PLPP1: variants seen among roughly 807,000 people sequenced by gnomAD.
PLPP1 encodes phospholipid phosphatase 1, also known as lipid phosphate phosphohydrolase 1a.
In PLPP1, 24 loss-of-function variants were observed where a neutral mutation model predicts 31.2. That is an observed-to-expected ratio of 0.77 (90% confidence interval 0.56 to 1.08). PLPP1 has a LOEUF of 1.08. Ranked by LOEUF, PLPP1 falls within the 50% of genes least tolerant of loss-of-function variation. The probability of loss-of-function intolerance (pLI) is 0.00; values close to 1 mark genes in which losing one functional copy is unlikely to be tolerated. For missense variants in PLPP1, 319 were observed against 342.7 expected (o/e 0.93, Z 0.55); for synonymous variants, 146 against 126.3 (o/e 1.16, Z -1.05).
At position 55,523,145 on chromosome 5, in the gene PLPP1, A is replaced by G. The variant is rs371282218; in HGVS notation, c.58+11427T>C. Among the ~76,000 whole-genome samples the G allele has an allele frequency of 2.6e-5, 4 of 152,124 alleles. No individual in the cohort carries two copies. The South Asian group carries it at 6.2e-4, about 24-fold the overall frequency. Reference sequence around the variant, plus strand: ...TACATACATATGGGGCACATGGGATATCTTGATAGAGGTATATAATTTATA... The same window carrying G: ...TACATACATATGGGGCACATGGGATGTCTTGATAGAGGTATATAATTTATA... On this transcript the variant is annotated intron_variant, in intron 1 of 5. Coordinates refer to ENST00000307259, the MANE Select transcript of PLPP1 (RefSeq NM_003711.4).
intron 1 of PLPP1, among the ~76,000 whole-genome samples, chr5:55,507,126 A>G (rs1373240074): frequency 1.3e-5 from 2 of 152,246 alleles, no homozygotes; most frequent in Admixed American, 1.3e-4. Context: ...TTAGATGTCC[A>G]AGAGTAAAGA....
At chr5:55,484,331 T>C (rs2115324) in intron 1 of PLPP1, 128,212 of 151,934 alleles carry the variant, frequency 0.84, 54,500 homozygotes, top group South Asian at 0.92. Flanking sequence ...TTGTTGTAGT[T>C]AGAGTTGAGC....
intron 1 of PLPP1, among the ~76,000 whole-genome samples, chr5:55,527,220 A>ACCGT (rs909623874): frequency 1.3e-5 from 2 of 152,160 alleles, no homozygotes; most frequent in Admixed American, 6.5e-5. Flanking sequence ...TAACAAAGGG[A>ACCGT]CCGCTCCTTA....
chr5:55,425,406 C>CA (rs1751155021), intron 5 of PLPP1, 72 bp from the exon 6 acceptor site: 1 of 1,348,834 alleles, frequency 7.4e-7, no homozygotes, highest in African/African-American at 1.5e-5. Context: ...TGATCAACAG[C>CA]ATCCTAAGAT....
chr5:55,468,222 A>G (rs1003667783), intron 2 of PLPP1, 73 bp from the exon 3 acceptor site: 11 of 1,337,712 alleles, frequency 8.2e-6, no homozygotes, highest in Admixed American at 2.4e-5. Flanking sequence ...ACATAGGGGG[A>G]AAAAAGGAAA....
intron 4 of PLPP1, among the ~76,000 whole-genome samples, chr5:55,431,458 G>A (rs1751345483): frequency 6.6e-6 from 1 of 152,130 alleles, no homozygotes; most frequent in South Asian, 2.1e-4. Flanking sequence ...AATAAAACTG[G>A]AAATGAATAA....
chr5:55,454,987 C>T (rs1751973600), intron 3 of PLPP1, among the ~76,000 whole-genome samples: 1 of 152,214 alleles, frequency 6.6e-6, no homozygotes, highest in Admixed American at 6.5e-5. Context: ...TGATAGAAGG[C>T]ATTTCCTCAA....
rs1252691712 is a variant in PLPP1, at chr5:55,534,707, C to G, written c.-78G>C. ...GGCCGAGGCCCTTGATTCTCGAGCC[C>G]GGGCCGGGGCTGGCGACGGCCCCGA... On this transcript the variant is annotated 5_prime_UTR_variant, in exon 1 of 6. Transcript: ENST00000307259. 3.4e-5 allele frequency: 48 copies of G among 1,429,482 alleles called. No homozygotes were observed. Among genetic ancestry groups the G allele is most frequent in the Non-Finnish European group, 4.3e-5 (46 of 1,066,034 alleles). 88.5% of individuals were successfully genotyped at this position (1,429,482 alleles called of 1,614,324 possible). A position where few individuals can be genotyped will look rare whatever the true frequency, so the allele number is the denominator to read the frequency against.
chr5:55,432,064 G>A (rs1308030892), intron 4 of PLPP1, among the ~76,000 whole-genome samples: 3 of 151,672 alleles, frequency 2.0e-5, no homozygotes, highest in Non-Finnish European at 4.4e-5. Flanking sequence ...TGGGACTACA[G>A]AGCATGCCAG....
chr5:55,430,712 A>G (rs1255090006), intron 4 of PLPP1, among the ~76,000 whole-genome samples: 1 of 152,258 alleles, frequency 6.6e-6, no homozygotes, highest in Non-Finnish European at 1.5e-5. Context: ...AAAGGAACAC[A>G]GTAATTTTGT....
chr5:55,504,456 T>C lies in PLPP1; in HGVS notation c.59-29006A>G, dbSNP rs188027195. Among the ~76,000 whole-genome samples the C allele has an allele frequency of 4.1e-3, 540 of 131,344 alleles. 3 individuals carry two copies. The highest frequency in any genetic ancestry group is 0.015 in the African/African-American group (512 of 33,746). 86.2% of individuals were successfully genotyped at this position (131,344 alleles called of 152,430 possible). On this transcript the variant is annotated intron_variant, in intron 1 of 5. Coordinates refer to ENST00000307259, the MANE Select transcript of PLPP1 (RefSeq NM_003711.4). Reference sequence around the variant, plus strand: ...AGGAGAAGCGCTTGAACCCAGGAGATGGAGGTTGCAGTGAGCCGAGATTGT... The same window carrying C: ...AGGAGAAGCGCTTGAACCCAGGAGACGGAGGTTGCAGTGAGCCGAGATTGT...
chr5:55,429,570 T>C (rs2111663983), intron 4 of PLPP1, among the ~76,000 whole-genome samples: 1 of 152,208 alleles, frequency 6.6e-6, no homozygotes, highest in East Asian at 1.9e-4. Context: ...ACTTGGGGAC[T>C]GCATGATGGC....
At chr5:55,450,051 T>C (rs1361950848) in intron 3 of PLPP1, among the ~76,000 whole-genome samples, 1 of 152,170 alleles carries the variant, frequency 6.6e-6, no homozygotes, top group East Asian at 1.9e-4. Context: ...CAAAAAATCC[T>C]GTCATATACT....
At chr5:55,483,248 GTAATA>G (rs1480162179) in intron 1 of PLPP1, among the ~76,000 whole-genome samples, 1 of 152,090 alleles carries the variant, frequency 6.6e-6, no homozygotes, top group African/African-American at 2.4e-5. Context: ...TATTACACTA[GTAATA>G]TTTATAGTGA....
chr5:55,437,650 T>C (rs769277202), intron 4 of PLPP1, among the ~76,000 whole-genome samples: 5 of 152,204 alleles, frequency 3.3e-5, no homozygotes, highest in Non-Finnish European at 7.3e-5. Flanking sequence ...CCAAATTGAT[T>C]GCTCCACCTA....
At chr5:55,523,079 TA>T (rs752228900) in intron 1 of PLPP1, among the ~76,000 whole-genome samples, 19 of 150,408 alleles carry the variant, frequency 1.3e-4, no homozygotes, top group East Asian at 5.8e-4. Flanking sequence ...ACCCTCTCCA[TA>T]TTTTTTTTAC....
At chr5:55,430,643 G>C (rs1751326483) in intron 4 of PLPP1, among the ~76,000 whole-genome samples, 1 of 152,168 alleles carries the variant, frequency 6.6e-6, no homozygotes, top group Admixed American at 6.5e-5. Context: ...TGTTAAACCA[G>C]ATGTACAGAT....
intron 1 of PLPP1, among the ~76,000 whole-genome samples, chr5:55,523,490 G>A (rs979655763): frequency 1.3e-5 from 2 of 152,106 alleles, no homozygotes; most frequent in African/African-American, 4.8e-5. Context: ...GGTTGCCTTG[G>A]GTGAGTTTCC....
chr5:55,501,916 T>C (rs1158904877), intron 1 of PLPP1, among the ~76,000 whole-genome samples: 1 of 152,090 alleles, frequency 6.6e-6, no homozygotes, highest in Non-Finnish European at 1.5e-5. Flanking sequence ...AGGGGATAAA[T>C]ACAAGCCATA....
Sources: allele counts gnomAD v4.1 joint callset (sites outside exome capture counted in the v4.1 genomes callset), GRCh38; gene constraint gnomAD v4.1.1; transcripts MANE v1.5; gene names NCBI Gene and HGNC (gene_info 2026-07-23, HGNC 2026-07-21).